The following ZDHHC1 variants were observed in gnomAD, a reference collection of about 807,000 sequenced individuals.
ZDHHC1 encodes the protein palmitoyltransferase ZDHHC1.
In ZDHHC1, 45 loss-of-function variants were observed where a neutral mutation model predicts 46.9. That is an observed-to-expected ratio of 0.96 (90% CI 0.76 to 1.23). ZDHHC1 has a LOEUF of 1.23. Ranked by LOEUF, ZDHHC1 falls within the 50% of genes most tolerant of loss-of-function variation. ZDHHC1 has a pLI of 0.00. For synonymous variants in ZDHHC1, 291 were observed against 286.0 expected (o/e 1.02, Z -0.18); for missense variants, 649 against 670.8 (o/e 0.97, Z 0.36).
chr16:67,402,629 A>ATTT (rs11402235), intron 3 of ZDHHC1, among the ~76,000 whole-genome samples: 1 of 144,636 alleles, frequency 6.9e-6, no homozygotes. Flanking sequence ...AAAACATGGA[A>ATTT]TTTTTTTTTT....
intron 1 of ZDHHC1, among the ~76,000 whole-genome samples, chr16:67,414,813 G>C (rs1312343336): frequency 6.6e-6 from 1 of 152,200 alleles, no homozygotes; most frequent in Admixed American, 6.5e-5. Context: ...CTGACTTCCC[G>C]GTATGTCTGT....
At chr16:67,403,986 G>T (rs570596489) in intron 3 of ZDHHC1, among the ~76,000 whole-genome samples, 1 of 152,230 alleles carries the variant, frequency 6.6e-6, no homozygotes, top group African/African-American at 2.4e-5. Context: ...TATCAGATTT[G>T]GTTTTTGGAA....
At chr16:67,399,592 AGC>A (rs2040508120) in intron 4 of ZDHHC1, 136 bp from the exon 5 acceptor site, 3 of 651,052 alleles carry the variant, frequency 4.6e-6, no homozygotes, top group Non-Finnish European at 2.5e-6. Flanking sequence ...GGCGACGAGG[AGC>A]GCGCGCGCCC....
At chr16:67,404,022 C>T (rs1343359617) in intron 3 of ZDHHC1, 4 of 152,092 alleles carry the variant, frequency 2.6e-5, no homozygotes, top group South Asian at 4.1e-4. Flanking sequence ...ATGGGCTGGC[C>T]GAGGTGAGAG....
rs2142216535 is a variant in ZDHHC1, at chr16:67,394,684, C to A, written c.1375G>T (p.Ala459Ser). 3 of 1,260,290 alleles carry A rather than the reference C, an allele frequency of 2.4e-6. No individual in the cohort carries two copies. The highest frequency in any genetic ancestry group is 3.0e-6 in the Non-Finnish European group (3 of 1,006,590). 78.1% of individuals were successfully genotyped at this position (1,260,290 alleles called of 1,614,324 possible). A position where few individuals can be genotyped will look rare whatever the true frequency, so the allele number is the denominator to read the frequency against. Reference protein sequence around the residue: ...RQPTLARQARAPAVFVSPSSG... With the variant: ...RQPTLARQARSPAVFVSPSSG... ...CTCGGGCTCACGAAAACGGCGGGCG[C>A]ACGCGCCTGCCGCGCCAGCGTGGGC... The change falls in exon 12 of 12, where the codon GCG (alanine) becomes TCG (serine). Residue 459 changes from alanine to serine, a missense_variant. Physicochemically the swap from Ala to Ser is moderately conservative, Grantham distance 99 (BLOSUM62 1). Coordinates refer to ENST00000565726, the MANE Select transcript of ZDHHC1 (RefSeq NM_001323627.2).
In ZDHHC1 at chr16:67,398,908, G is replaced by A. The variant is rs372405273; in HGVS notation, c.567C>T (p.Gly189=). 202 of 1,613,280 alleles carry A rather than the reference G, an allele frequency of 1.3e-4. No individual in the cohort carries two copies. The highest frequency in any genetic ancestry group is 1.2e-4 in the Admixed American group (7 of 59,878). The change falls in exon 6 of 12, where the codon GGC becomes GGT. Residue 189 remains glycine, a synonymous_variant. Coordinates refer to ENST00000565726, the MANE Select transcript of ZDHHC1 (RefSeq NM_001323627.2). The part of the protein sequence containing the change: ...FLHSVASALL[G]VLLLVLVATY... ...TGGCCACCAGCACCAGGAGCAGGAC[G>A]CCCAGTAAAGCGGATGCAACACTGT...
At position 67,395,295 on chromosome 16, in the gene ZDHHC1, G is replaced by A; in HGVS notation, c.1011-15C>T. ...ACTGGGAGGGACTGAGGGGGAAGCA[G>A]GAGGGTAAGCCTGGGGCCTGTTCCC... On this transcript the variant is annotated splice_polypyrimidine_tract_variant and intron_variant, in intron 9 of 11. Transcript: ENST00000565726. The A allele has an allele frequency of 6.6e-7, 1 of 1,525,040 alleles. No homozygotes were observed. Among genetic ancestry groups the A allele is most frequent in the Non-Finnish European group, 8.8e-7 (1 of 1,134,428 alleles). 94.5% of individuals were successfully genotyped at this position (1,525,040 alleles called of 1,614,324 possible).
At chr16:67,409,352 CCT>C (rs925601697) in intron 1 of ZDHHC1, among the ~76,000 whole-genome samples, 8 of 152,134 alleles carry the variant, frequency 5.3e-5, no homozygotes, top group East Asian at 3.9e-4. Flanking sequence ...TCGGATACCC[CCT>C]GATACTCCAA....
At chr16:67,398,009 C>T (rs1270504395) in intron 8 of ZDHHC1, among the ~76,000 whole-genome samples, 3 of 152,194 alleles carry the variant, frequency 2.0e-5, no homozygotes, top group African/African-American at 2.4e-5. Context: ...CAGGTGTGTA[C>T]GTGGGGTCCG....
chr16:67,414,740 G>A (rs372575802), intron 1 of ZDHHC1, among the ~76,000 whole-genome samples: 14 of 152,354 alleles, frequency 9.2e-5, no homozygotes, highest in Middle Eastern at 6.8e-3. Flanking sequence ...CTGAGGCTCA[G>A]AGACACTAAA....
chr16:67,412,564 G>C (rs1362767536), intron 1 of ZDHHC1, among the ~76,000 whole-genome samples: 6 of 152,190 alleles, frequency 3.9e-5, no homozygotes, highest in Non-Finnish European at 8.8e-5. Flanking sequence ...AAAAGCCACA[G>C]AACTTCCTAT....
Position 67,394,513 on chromosome 16 carries a change from A to C in ZDHHC1, c.*97T>G. 1.9e-4 allele frequency: 185 copies of C among 992,918 alleles called. No homozygotes were observed. Among genetic ancestry groups the C allele is most frequent in the South Asian group, 4.5e-4 (9 of 20,180 alleles). 61.5% of individuals were successfully genotyped at this position (992,918 alleles called of 1,614,324 possible). ...GAGGGAGGCCGATCCCGCCGGCCGTAGGGGCCCCTAAAGTGCACTCGGTGC... is the reference window on the plus strand; with the variant it reads ...GAGGGAGGCCGATCCCGCCGGCCGTCGGGGCCCCTAAAGTGCACTCGGTGC... On this transcript the variant is annotated 3_prime_UTR_variant, in exon 12 of 12. Transcript: ENST00000565726.
In ZDHHC1 at chr16:67,394,592, T is replaced by C; in HGVS notation, c.*18A>G. On this transcript the variant is annotated 3_prime_UTR_variant, in exon 12 of 12. Transcript: ENST00000565726. Reference sequence around the variant, plus strand: ...CAGGCCGGCCGCTCTAACTCGGCCCTCCGGCCTCTCGGCCCAGCTAAGCCA... The same window carrying C: ...CAGGCCGGCCGCTCTAACTCGGCCCCCCGGCCTCTCGGCCCAGCTAAGCCA... 8.6e-7 allele frequency: 1 copy of C among 1,164,754 alleles called. No homozygotes were observed. The highest frequency in any genetic ancestry group is 1.1e-6 in the Non-Finnish European group (1 of 945,284). 72.2% of individuals were successfully genotyped at this position (1,164,754 alleles called of 1,614,324 possible).
At chr16:67,405,692 G>A (rs902262280) in intron 3 of ZDHHC1, among the ~76,000 whole-genome samples, 5 of 152,164 alleles carry the variant, frequency 3.3e-5, no homozygotes, top group African/African-American at 1.2e-4. Context: ...CTCTAAAAGG[G>A]TCTGATGTAC....
intron 1 of ZDHHC1, among the ~76,000 whole-genome samples, chr16:67,412,907 T>C (rs1470014866): frequency 6.6e-6 from 1 of 151,616 alleles, no homozygotes; most frequent in Non-Finnish European, 1.5e-5. Context: ...TTCAAGTGAT[T>C]CTCCTGCCTC....
chr16:67,396,756 C>T (rs927840481), intron 8 of ZDHHC1, among the ~76,000 whole-genome samples: 1 of 152,208 alleles, frequency 6.6e-6, no homozygotes, highest in East Asian at 1.9e-4. Context: ...CACTCTCCCC[C>T]ACACCTCTTT....
rs781348972 is a variant in ZDHHC1 at position 67,401,133 on chromosome 16, C to T, written c.253-1G>A. 1 of 1,613,472 alleles carries T rather than the reference C, an allele frequency of 6.2e-7. No homozygotes were observed. Among genetic ancestry groups the T allele is most frequent in the East Asian group, 2.2e-5 (1 of 44,886 alleles). On this transcript the variant is annotated splice_acceptor_variant, in intron 3 of 11. Transcript: ENST00000565726. LOFTEE classifies it high-confidence loss of function. This position sits in a 1 kb window ranked among gnomAD's most constrained non-coding sequence, Gnocchi z 4.6. The stretch of plus-strand genomic sequence containing the variant: ...GGCCAGCAAAGATGGCGCCCATGCA[C>T]TGGCCCAGCAGGTTAAAGACTCACT...
At chr16:67,413,832 T>A (rs8063846) in intron 1 of ZDHHC1, among the ~76,000 whole-genome samples, 3 of 151,018 alleles carry the variant, frequency 2.0e-5, no homozygotes, top group African/African-American at 7.3e-5. Context: ...CCAGCTACTC[T>A]GGAGGCTGAG....
chr16:67,411,092 A>C (rs905671771), intron 1 of ZDHHC1, among the ~76,000 whole-genome samples: 2 of 148,942 alleles, frequency 1.3e-5, no homozygotes, highest in Non-Finnish European at 3.0e-5. Context: ...TGCTCCCAAC[A>C]AAAAAAAAAC....
Sources: allele counts gnomAD v4.1 joint callset (sites outside exome capture counted in the v4.1 genomes callset), GRCh38; gene constraint gnomAD v4.1.1; non-coding constraint Gnocchi (gnomAD v3.1); transcripts MANE v1.5; gene names NCBI Gene and HGNC (gene_info 2026-07-23, HGNC 2026-07-21).